The following LRBA variants were observed in gnomAD, a reference collection of about 807,000 sequenced individuals.
The protein encoded by LRBA is LPS responsive beige-like anchor protein.
A neutral mutation model predicts 330.0 loss-of-function variants in LRBA; 176 were observed. That is an observed-to-expected ratio of 0.53 (90% CI 0.47 to 0.60). The LOEUF is 0.60. LRBA is among the 20% of genes least tolerant of loss of function. LRBA has a pLI of 0.00. For missense variants in LRBA, 3,259 were observed against 3,444.8 expected (o/e 0.95, Z 1.35); for synonymous variants, 1,230 against 1,193.0 (o/e 1.03, Z -0.64).
At chr4:150,642,976 AT>A (rs1317046477) in intron 37 of LRBA, among the ~76,000 whole-genome samples, 1 of 151,960 alleles carries the variant, frequency 6.6e-6, no homozygotes, top group African/African-American at 2.4e-5. Context: ...AAAAATTAAT[AT>A]TCTAGTGATT....
intron 2 of LRBA, among the ~76,000 whole-genome samples, chr4:151,005,561 C>CT (rs1288366249): frequency 8.4e-5 from 9 of 107,382 alleles, no homozygotes; most frequent in African/African-American, 4.2e-4. Context: ...TGACACTGTT[C>CT]TTTTTTTTTT....
intron 26 of LRBA, among the ~76,000 whole-genome samples, chr4:150,846,465 G>C (rs1749858420): frequency 6.6e-6 from 1 of 151,724 alleles, no homozygotes; most frequent in Non-Finnish European, 1.5e-5. Flanking sequence ...GGAAGAAAGA[G>C]GTTGCAGTGA....
chr4:150,649,866 A>C (rs1259243918), intron 37 of LRBA, among the ~76,000 whole-genome samples: 1 of 152,170 alleles, frequency 6.6e-6, no homozygotes, highest in African/African-American at 2.4e-5. Context: ...GTATCATTCA[A>C]AATGTTTACA....
intron 4 of LRBA, among the ~76,000 whole-genome samples, chr4:150,927,705 A>G (rs1450579780): frequency 1.3e-5 from 2 of 152,340 alleles, no homozygotes; most frequent in East Asian, 3.9e-4. Flanking sequence ...AACTCTAAGA[A>G]GATAAACACA....
intron 2 of LRBA, among the ~76,000 whole-genome samples, chr4:150,957,509 G>C (rs990103144): frequency 6.7e-6 from 1 of 148,312 alleles, no homozygotes; most frequent in African/African-American, 2.6e-5. Flanking sequence ...TTTTGGTGGG[G>C]ACACAGCCAA....
chr4:150,656,243 G>C (rs1780175658), intron 37 of LRBA, among the ~76,000 whole-genome samples: 1 of 152,174 alleles, frequency 6.6e-6, no homozygotes. Context: ...CAAGTGAAAG[G>C]TCTAATTTTC....
At chr4:150,701,176 T>C (rs1785082683) in intron 36 of LRBA, among the ~76,000 whole-genome samples, 1 of 152,230 alleles carries the variant, frequency 6.6e-6, no homozygotes, top group South Asian at 2.1e-4. Context: ...CTTCCACCTC[T>C]ACATCTTGTC....
Position 150,265,487 on chromosome 4 carries a change from A to G in LRBA, c.*235T>C, listed in dbSNP as rs1745188002. 2.6e-6 allele frequency: 1 copy of G among 378,194 alleles called. No individual in the cohort carries two copies. Among genetic ancestry groups the G allele is most frequent in the African/African-American group, 2.0e-5 (1 of 49,234 alleles). 23.4% of individuals were successfully genotyped at this position (378,194 alleles called of 1,614,324 possible). ...AATTGGTGAAAATAGACTTCTCATT[A>G]TGACTAAAAATATAGATTTTTTAAA... On this transcript the variant is annotated 3_prime_UTR_variant, in exon 57 of 57. Coordinates refer to ENST00000651943, the MANE Select transcript of LRBA (RefSeq NM_001364905.1).
At chr4:150,406,829 G>A (rs1490596202) in intron 47 of LRBA, among the ~76,000 whole-genome samples, 1 of 152,122 alleles carries the variant, frequency 6.6e-6, no homozygotes, top group Non-Finnish European at 1.5e-5. Context: ...AGCCCAGGCT[G>A]GAGTGCAGTG....
At chr4:150,781,466 G>C (rs542531591) in intron 34 of LRBA, among the ~76,000 whole-genome samples, 5 of 152,350 alleles carry the variant, frequency 3.3e-5, no homozygotes, top group African/African-American at 9.6e-5. Context: ...GCCAGTGATA[G>C]GGAGCGGCTA....
At chr4:150,645,527 A>C (rs1238206960) in intron 37 of LRBA, among the ~76,000 whole-genome samples, 5 of 152,130 alleles carry the variant, frequency 3.3e-5, no homozygotes, top group Non-Finnish European at 5.9e-5. Context: ...TTTTTCAGAT[A>C]CTGATGCAAG....
chr4:150,925,847 A>T (rs1272940982), intron 4 of LRBA, among the ~76,000 whole-genome samples: 1 of 152,232 alleles, frequency 6.6e-6, no homozygotes, highest in Admixed American at 6.5e-5. Flanking sequence ...TCTCTTCTGG[A>T]CACGACATAT....
At chr4:150,413,592 C>T (rs1747320646) in intron 47 of LRBA, among the ~76,000 whole-genome samples, 1 of 152,060 alleles carries the variant, frequency 6.6e-6, no homozygotes, top group Admixed American at 6.6e-5. Flanking sequence ...AAAACAGAGA[C>T]AGAATCAGTG....
In LRBA at chr4:150,471,646, CAAGTACTCA is replaced by C; in HGVS notation, c.6636_6644del (p.Phe2212_Tyr2214del). The C allele has an allele frequency of 2.5e-6, 4 of 1,600,018 alleles. No homozygotes were observed. The highest frequency in any genetic ancestry group is 2.6e-6 in the Non-Finnish European group (3 of 1,173,808). On this transcript the variant is annotated inframe_deletion, in exon 43 of 57. Transcript: ENST00000651943. ...TACCTGCTATCGTGTTGAGAAACAT[CAAGTACTCA>C]AAATTAGATATCTCTCTGTGTTGCC...
chr4:150,268,455 A>AT (rs1434863749), intron 56 of LRBA, among the ~76,000 whole-genome samples: 1 of 152,208 alleles, frequency 6.6e-6, no homozygotes, highest in African/African-American at 2.4e-5. Flanking sequence ...CCATGACACC[A>AT]AAGCCAGTTG....
Position 150,273,896 on chromosome 4 carries a change from A to G in LRBA, c.8468+3957T>C, listed in dbSNP as rs530209283. 7.9e-5 allele frequency among the ~76,000 whole-genome samples: 12 copies of G among 152,290 alleles called. No individual in the cohort carries two copies. In the South Asian group the frequency reaches 2.5e-3, roughly 32 times the overall value. On this transcript the variant is annotated intron_variant, in intron 56 of 56. Transcript: ENST00000651943. ...ACACCCCACTGTCAATATTAGATCA[A>G]TGAGACAGAAAAGCAACAACAAGGA...
chr4:150,465,505 C>T (rs1029556202), intron 44 of LRBA, among the ~76,000 whole-genome samples: 1 of 152,158 alleles, frequency 6.6e-6, no homozygotes, highest in African/African-American at 2.4e-5. Context: ...TTTTCCACAT[C>T]CGTGCCAACA....
At chr4:150,411,324 C>A (rs1267222499) in intron 47 of LRBA, among the ~76,000 whole-genome samples, 1 of 152,074 alleles carries the variant, frequency 6.6e-6, no homozygotes, top group Non-Finnish European at 1.5e-5. Context: ...TAGTTACAGT[C>A]CTCTAACACA....
chr4:150,564,784 G>T (rs1010046393), intron 40 of LRBA, among the ~76,000 whole-genome samples: 1 of 152,038 alleles, frequency 6.6e-6, no homozygotes, highest in African/African-American at 2.4e-5. Context: ...ATGAAAAGAA[G>T]TTCATCACTG....
Sources: gnomAD v4.1 joint callset for allele counts (sites outside exome capture counted in the v4.1 genomes callset) on GRCh38, gnomAD v4.1.1 for gene constraint, MANE v1.5 for transcripts, NCBI Gene and HGNC (gene_info 2026-07-23, HGNC 2026-07-21) for gene names.